The following PLPPR1 variants were observed in gnomAD, a reference collection of about 807,000 sequenced individuals.
The protein encoded by PLPPR1 is phospholipid phosphatase-related protein type 1.
In PLPPR1, 10 loss-of-function variants were observed where a neutral mutation model predicts 33.1. The observed-to-expected ratio is 0.30, with a 90% confidence interval of 0.19 to 0.51. The LOEUF is 0.51. Ranked by LOEUF, PLPPR1 falls within the 20% of genes least tolerant of loss-of-function variation. The pLI, the probability that PLPPR1 is intolerant of heterozygous loss-of-function variation, is 0.97. For missense variants in PLPPR1, 304 were observed against 408.1 expected, an observed-to-expected ratio of 0.74 and a Z score of 2.20; for synonymous variants, 151 against 151.0, an observed-to-expected ratio of 1.00 and a Z score of 0.00.
intron 1 of PLPPR1, among the ~76,000 whole-genome samples, chr9:101,174,335 G>A (rs1401332777): frequency 6.6e-6 from 1 of 152,064 alleles, no homozygotes. Context: ...TCATCATGAC[G>A]TTTTAAAAAG....
At chr9:101,114,460 A>G (rs945475365) in intron 1 of PLPPR1, among the ~76,000 whole-genome samples, 1 of 152,206 alleles carries the variant, frequency 6.6e-6, no homozygotes, top group African/African-American at 2.4e-5. Context: ...GTCATCTACA[A>G]AAGACTGAGA....
At chr9:101,124,403 C>T (rs1161401611) in intron 1 of PLPPR1, among the ~76,000 whole-genome samples, 1 of 152,158 alleles carries the variant, frequency 6.6e-6, no homozygotes, top group East Asian at 1.9e-4. Context: ...CATTAAGCAT[C>T]TGTAGGTAAA....
intron 1 of PLPPR1, among the ~76,000 whole-genome samples, chr9:101,054,420 T>C (rs1379101785): frequency 6.6e-6 from 1 of 152,184 alleles, no homozygotes; most frequent in Non-Finnish European, 1.5e-5. Context: ...ACCTTTGACC[T>C]GAATCAAAAA....
intron 1 of PLPPR1, among the ~76,000 whole-genome samples, chr9:101,107,996 C>G (rs1199097307): frequency 6.7e-6 from 1 of 149,512 alleles, no homozygotes; most frequent in South Asian, 2.1e-4. Flanking sequence ...AATGCCTCGC[C>G]CTGCTTCGGC....
intron 1 of PLPPR1, among the ~76,000 whole-genome samples, chr9:101,180,586 T>A (rs1241578299): frequency 6.6e-6 from 1 of 151,818 alleles, no homozygotes; most frequent in Non-Finnish European, 1.5e-5. Context: ...TAAGCCCATA[T>A]ATTTGTGGTC....
At chr9:101,142,386 G>A (rs978846241) in intron 1 of PLPPR1, among the ~76,000 whole-genome samples, 2 of 152,166 alleles carry the variant, frequency 1.3e-5, no homozygotes, top group Non-Finnish European at 2.9e-5. Context: ...ATAGTAGCCA[G>A]GACAGCTAGG....
rs117317374 is a variant in PLPPR1 at position 101,043,381 on chromosome 9, G to A, written c.-46+14279G>A. Among the ~76,000 whole-genome samples the A allele has an allele frequency of 7.6e-3, 1,134 of 149,072 alleles. 5 individuals are homozygous for A. The highest frequency in any genetic ancestry group is 0.013 in the Non-Finnish European group (847 of 67,422). ...TGTATGTATATACATATGTATATAC[G>A]TATATACATACACATATATACATAT... On this transcript the variant is annotated intron_variant, in intron 1 of 7. Coordinates refer to ENST00000374874, the MANE Select transcript of PLPPR1 (RefSeq NM_207299.2).
chr9:101,135,536 A>G (rs1000231789), intron 1 of PLPPR1, among the ~76,000 whole-genome samples: 1 of 152,144 alleles, frequency 6.6e-6, no homozygotes, highest in African/African-American at 2.4e-5. Context: ...CTACCTCAAG[A>G]TCAATGACAC....
chr9:101,189,424 C>G lies in PLPPR1; in HGVS notation c.63+3867C>G, dbSNP rs546187505. 5.3e-5 allele frequency among the ~76,000 whole-genome samples: 8 copies of G among 152,210 alleles called. No individual in the cohort carries two copies. The East Asian group carries it at 1.5e-3, about 29-fold the overall frequency. On this transcript the variant is annotated intron_variant, in intron 2 of 7. Transcript: ENST00000374874. Reference sequence around the variant, plus strand: ...TAGACTGTAAATGTTTCTTATCACACTTAAAGTCTGTGTAGATGGTAAACG... The same window carrying G: ...TAGACTGTAAATGTTTCTTATCACAGTTAAAGTCTGTGTAGATGGTAAACG...
At chr9:101,156,860 A>G (rs1031008525) in intron 1 of PLPPR1, among the ~76,000 whole-genome samples, 5 of 152,132 alleles carry the variant, frequency 3.3e-5, no homozygotes, top group Admixed American at 2.0e-4. Flanking sequence ...AGAAATATAA[A>G]TGATTCTGAA....
At chr9:101,270,520 C>A (rs1010789518) in intron 3 of PLPPR1, among the ~76,000 whole-genome samples, 2 of 152,144 alleles carry the variant, frequency 1.3e-5, no homozygotes, top group African/African-American at 2.4e-5. Context: ...TCCGTAGACA[C>A]CAGAGATGAG....
At chr9:101,098,170 C>T (rs1588026887) in intron 1 of PLPPR1, among the ~76,000 whole-genome samples, 1 of 152,236 alleles carries the variant, frequency 6.6e-6, no homozygotes, top group East Asian at 1.9e-4. Context: ...AAATCTACTG[C>T]CAACATCTGT....
chr9:101,298,961 T>TCCCAGGGAAACAGATG (rs1008068776), intron 4 of PLPPR1, among the ~76,000 whole-genome samples: 2 of 152,108 alleles, frequency 1.3e-5, no homozygotes, highest in Non-Finnish European at 2.9e-5. Flanking sequence ...ACAGGGATGA[T>TCCCAGGGAAACAGATG]CCCAGGGAAA....
intron 2 of PLPPR1, among the ~76,000 whole-genome samples, chr9:101,210,265 T>C (rs900577865): frequency 3.9e-5 from 6 of 152,170 alleles, no homozygotes; most frequent in Non-Finnish European, 1.5e-5. Context: ...GCTATTTCTT[T>C]AGAGTACTGC....
intron 1 of PLPPR1, among the ~76,000 whole-genome samples, chr9:101,049,736 A>G (rs1421220654): frequency 6.6e-6 from 1 of 152,102 alleles, no homozygotes; most frequent in African/African-American, 2.4e-5. Context: ...GTATTGTAAA[A>G]TTCTATTTTT....
At chr9:101,149,804 A>G (rs965921358) in intron 1 of PLPPR1, among the ~76,000 whole-genome samples, 15 of 152,088 alleles carry the variant, frequency 9.9e-5, no homozygotes, top group Admixed American at 9.8e-4. Flanking sequence ...CTAGGGAAAG[A>G]TATGTCTTTT....
At position 101,180,127 on chromosome 9, in the gene PLPPR1, TATATATATATATATATACACAC is replaced by T. The variant is rs1201403264; in HGVS notation, c.-45-5321_-45-5300del. ...ATATATATATATATATATATATATATATATATATATATATATACACACACACACACACACATACACACACACA... is the reference window on the plus strand; with the variant it reads ...ATATATATATATATATATATATATATACACACACACACATACACACACACA... On this transcript the variant is annotated intron_variant, in intron 1 of 7. Transcript: ENST00000374874. 1.6e-3 allele frequency among the ~76,000 whole-genome samples: 55 copies of T among 35,210 alleles called. 1 individual carries two copies. Among genetic ancestry groups the T allele is most frequent in the African/African-American group, 7.0e-3 (53 of 7,566 alleles). 23.1% of individuals were successfully genotyped at this position (35,210 alleles called of 152,430 possible).
At position 101,031,271 on chromosome 9, in the gene PLPPR1, T is replaced by A. The variant is rs1587999681; in HGVS notation, c.-46+2169T>A. 3.3e-5 allele frequency among the ~76,000 whole-genome samples: 5 copies of A among 152,340 alleles called. 1 individual carries two copies. In the South Asian group the frequency reaches 1.0e-3, roughly 32 times the overall value. ...TGCTTTGTTACTATATATTTCCTCT[T>A]CCTTCATCTGCAAGATCAGTTTATT... On this transcript the variant is annotated intron_variant, in intron 1 of 7. Coordinates refer to ENST00000374874, the MANE Select transcript of PLPPR1 (RefSeq NM_207299.2).
At chr9:101,046,581 C>A (rs151216140) in intron 1 of PLPPR1, among the ~76,000 whole-genome samples, 2,159 of 151,700 alleles carry the variant, frequency 0.014, 55 homozygotes, top group African/African-American at 0.05. Flanking sequence ...CTGGGACTAC[C>A]TGCGTCTGCC....
Sources: gnomAD v4.1 joint callset for allele counts (sites outside exome capture counted in the v4.1 genomes callset) on GRCh38, gnomAD v4.1.1 for gene constraint, MANE v1.5 for transcripts, NCBI Gene and HGNC (gene_info 2026-07-23, HGNC 2026-07-21) for gene names.